The following WEE1 variants were observed in gnomAD, a reference collection of about 807,000 sequenced individuals.
WEE1 encodes wee1-like protein kinase.
In WEE1, 16 loss-of-function variants were observed where a neutral mutation model predicts 68.8. That is an observed-to-expected ratio of 0.23 (90% CI 0.16 to 0.35). WEE1 has a LOEUF of 0.35. Ranked by LOEUF, WEE1 falls within the 10% of genes least tolerant of loss-of-function variation. The probability of loss-of-function intolerance (pLI) is 1.00; values close to 1 mark genes in which losing one functional copy is unlikely to be tolerated. For missense variants in WEE1, 651 were observed against 824.1 expected, an observed-to-expected ratio of 0.79 and a Z score of 2.57; for synonymous variants, 349 against 318.7, an observed-to-expected ratio of 1.09 and a Z score of -1.01.
rs771907182 is a variant in WEE1 at position 9,576,136 on chromosome 11, G to T, written c.782+43G>T. On this transcript the variant is annotated intron_variant, in intron 2 of 10. Coordinates refer to ENST00000450114, the MANE Select transcript of WEE1 (RefSeq NM_003390.4). This position sits in a 1 kb window ranked among gnomAD's most constrained non-coding sequence, Gnocchi z 4.3. Reference sequence around the variant, plus strand: ...CAGTTTGGTTCTCCAAATAACCTAAGATTGGTTTGGTATACTTATCAAAAT... The same window carrying T: ...CAGTTTGGTTCTCCAAATAACCTAATATTGGTTTGGTATACTTATCAAAAT... The T allele has an allele frequency of 6.2e-6, 10 of 1,611,604 alleles. No individual in the cohort carries two copies. Among genetic ancestry groups the T allele is most frequent in the Non-Finnish European group, 8.5e-6 (10 of 1,178,144 alleles).
rs554310779 is a variant in WEE1, at chr11:9,577,345, A to G, written c.1141+82A>G. 12 of 1,497,252 alleles carry G rather than the reference A, an allele frequency of 8.0e-6. No homozygotes were observed. In the Admixed American group the frequency reaches 2.3e-4, roughly 28 times the overall value. The allele number at this position is 1,497,252 out of a possible 1,614,324, so 92.7% of individuals were successfully genotyped here. A position where few individuals can be genotyped will look rare whatever the true frequency, so the allele number is the denominator to read the frequency against. On this transcript the variant is annotated intron_variant, in intron 5 of 10. Coordinates refer to ENST00000450114, the MANE Select transcript of WEE1 (RefSeq NM_003390.4). ...TTATGGTTATCTAAAATCTTGCTCT[A>G]TTTCTGTCACTTTTATCTTTTATAA...
intron 5 of WEE1, chr11:9,579,460 T>C (rs1408612902): frequency 6.6e-6 from 1 of 152,232 alleles, no homozygotes. Context: ...TCTTATTCAT[T>C]TGCATTATAA....
Position 9,589,822 on chromosome 11 carries a change from A to T in WEE1, c.*1220A>T, listed in dbSNP as rs1479685613. On this transcript the variant is annotated 3_prime_UTR_variant, in exon 11 of 11. Transcript: ENST00000450114. ...ATCTCTATTATTGCTATACTATAAA[A>T]TGTATAGTGTGTATAATGTACTATT... 8 of 605,532 alleles carry T rather than the reference A, an allele frequency of 1.3e-5. No homozygotes were observed. The highest frequency in any genetic ancestry group is 6.3e-5 in the Admixed American group (1 of 15,810). 37.5% of individuals were successfully genotyped at this position (605,532 alleles called of 1,614,324 possible).
Position 9,576,684 on chromosome 11 carries a change from T to G in WEE1, c.1019+25T>G. 1 of 1,599,090 alleles carries G rather than the reference T, an allele frequency of 6.3e-7. No homozygotes were observed. Among genetic ancestry groups the G allele is most frequent in the Non-Finnish European group, 8.5e-7 (1 of 1,174,744 alleles). On this transcript the variant is annotated intron_variant, in intron 4 of 10. Transcript: ENST00000450114. The surrounding 1 kb of genome is among the most constrained non-coding windows in gnomAD (Gnocchi z 4.3). ...AGTATGTATTAAACATTTTGTCTTT[T>G]GCTCTTTTGTCCCCTATGGTGTTAC... is the stretch of plus-strand genomic sequence containing the variant.
chr11:9,574,400 C>A lies in WEE1; in HGVS notation c.467C>A (p.Ala156Glu). ...GATGCGTCGCCGCGGGGTTGCGGGG[C>A]GCGCCGGGCGGGCGAAGGCCGCCGC... ...PGDASPRGCG[A>E]RRAGEGRRSP... The change falls in exon 1 of 11, where the codon GCG becomes GAG. Residue 156 changes from alanine (A) to glutamate (E), a missense_variant. This residue lies in a region of WEE1 where 395 missense variants were observed against 378.4 expected (regional missense o/e 1.04). Transcript: ENST00000450114. This position sits in a 1 kb window ranked among gnomAD's most constrained non-coding sequence, Gnocchi z 4.9. 8.3e-7 allele frequency: 1 copy of A among 1,212,092 alleles called. No individual in the cohort carries two copies. Among genetic ancestry groups the A allele is most frequent in the Non-Finnish European group, 1.0e-6 (1 of 979,668 alleles). 75.1% of individuals were successfully genotyped at this position (1,212,092 alleles called of 1,614,324 possible). A position where few individuals can be genotyped will look rare whatever the true frequency, so the allele number is the denominator to read the frequency against.
chr11:9,583,761 GCACACACACACACACACACACACA>G (rs1157681380), intron 6 of WEE1, among the ~76,000 whole-genome samples: 2 of 48,960 alleles, frequency 4.1e-5, no homozygotes, highest in South Asian at 9.0e-4. Context: ...GCACGCGCGC[GCACACACACACACACACACACACA>G]CACACACACA....
Position 9,574,425 on chromosome 11 carries a change from C to T in WEE1, c.492C>T (p.Arg164=), listed in dbSNP as rs1849540820. The T allele has an allele frequency of 8.2e-7, 1 of 1,218,932 alleles. No individual in the cohort carries two copies. Among genetic ancestry groups the T allele is most frequent in the African/African-American group, 1.6e-5 (1 of 62,776 alleles). 75.5% of individuals were successfully genotyped at this position (1,218,932 alleles called of 1,614,324 possible). ...CGARRAGEGR[R]SPRPDHPGTP... ...CGCGCCGGGCGGGCGAAGGCCGCCGCTCGCCGCGGCCGGACCACCCGGGCA... is the reference window on the plus strand; with the variant it reads ...CGCGCCGGGCGGGCGAAGGCCGCCGTTCGCCGCGGCCGGACCACCCGGGCA... The change falls in exon 1 of 11, where the codon CGC becomes CGT. Residue 164 remains arginine, a synonymous_variant. Transcript: ENST00000450114. The surrounding 1 kb of genome is among the most constrained non-coding windows in gnomAD (Gnocchi z 4.9).
chr11:9,584,754 GT>G, intron 6 of WEE1, among the ~76,000 whole-genome samples: 1 of 152,152 alleles, frequency 6.6e-6, no homozygotes, highest in Non-Finnish European at 1.5e-5. Flanking sequence ...CCAGTTTAAA[GT>G]GTTTAGGATC....
At position 9,588,609 on chromosome 11, in the gene WEE1, C is replaced by G; in HGVS notation, c.*7C>G. ...CAGCCTTACTATATACTGAGCTACTCCTTTCCCACCTCCCCCTGAACACTG... is the reference window on the plus strand; with the variant it reads ...CAGCCTTACTATATACTGAGCTACTGCTTTCCCACCTCCCCCTGAACACTG... On this transcript the variant is annotated 3_prime_UTR_variant, in exon 11 of 11. Coordinates refer to ENST00000450114, the MANE Select transcript of WEE1 (RefSeq NM_003390.4). The G allele has an allele frequency of 6.4e-7, 1 of 1,553,190 alleles. No individual in the cohort carries two copies. The highest frequency in any genetic ancestry group is 8.7e-7 in the Non-Finnish European group (1 of 1,155,920).
At chr11:9,581,442 A>G in intron 5 of WEE1, 90 bp from the exon 6 acceptor site, 11 of 1,235,936 alleles carry the variant, frequency 8.9e-6, no homozygotes, top group Non-Finnish European at 1.2e-5. Context: ...TTCTTGGTTG[A>G]GATTGGTTGG....
intron 1 of WEE1, chr11:9,575,052 G>A: frequency 2.0e-6 from 2 of 985,720 alleles, no homozygotes; most frequent in Non-Finnish European, 2.4e-6. Flanking sequence ...GTAAAGGCTG[G>A]CCTTCCAAGC....
At chr11:9,577,650 T>C in intron 5 of WEE1, 1 of 331,250 alleles carries the variant, frequency 3.0e-6, no homozygotes, top group Non-Finnish European at 5.9e-6. Context: ...GAGGTGCTGC[T>C]AAAACTGATG....
In WEE1 at chr11:9,589,648, G is replaced by T. The variant is rs1168681881; in HGVS notation, c.*1046G>T. 1 of 973,672 alleles carries T rather than the reference G, an allele frequency of 1.0e-6. No individual in the cohort carries two copies. The highest frequency in any genetic ancestry group is 1.2e-6 in the Non-Finnish European group (1 of 824,878). 60.3% of individuals were successfully genotyped at this position (973,672 alleles called of 1,614,324 possible). On this transcript the variant is annotated 3_prime_UTR_variant, in exon 11 of 11. Transcript: ENST00000450114. Reference sequence around the variant, plus strand: ...TGGCTAACAGATGTTGAAAAAAATTGTCTGTTTGTTTTCTCATTAATTTTG... The same window carrying T: ...TGGCTAACAGATGTTGAAAAAAATTTTCTGTTTGTTTTCTCATTAATTTTG...
chr11:9,583,802 C>CATATATATAT (rs371859938), intron 6 of WEE1, among the ~76,000 whole-genome samples: 8 of 17,846 alleles, frequency 4.5e-4, no homozygotes, highest in Admixed American at 7.2e-4. Flanking sequence ...CACACACACA[C>CATATATATAT]ATATATATAT....
rs2134337968 is a variant in WEE1, at chr11:9,574,591, G to T, written c.576+82G>T. 2 of 1,125,228 alleles carry T rather than the reference G, an allele frequency of 1.8e-6. No individual in the cohort carries two copies. The highest frequency in any genetic ancestry group is 2.2e-6 in the Non-Finnish European group (2 of 921,348). 69.7% of individuals were successfully genotyped at this position (1,125,228 alleles called of 1,614,324 possible). On this transcript the variant is annotated intron_variant, in intron 1 of 10. Transcript: ENST00000450114. This position sits in a 1 kb window ranked among gnomAD's most constrained non-coding sequence, Gnocchi z 4.9. ...GCGCCGCTGCCTGGGTTCGGTTACA[G>T]AAGCGGCCGGCCGCTCCCCCCTCGC...
chr11:9,585,573 G>A (rs752766522), intron 8 of WEE1, 46 bp downstream of exon 8: 10 of 1,389,774 alleles, frequency 7.2e-6, no homozygotes, highest in Admixed American at 4.9e-5. Context: ...GTAACACTTA[G>A]CAGTTGATAG....
chr11:9,588,584 C>T lies in WEE1; in HGVS notation c.1923C>T (p.Val641=), dbSNP rs1236204626. The T allele has an allele frequency of 1.2e-6, 2 of 1,603,750 alleles. No individual in the cohort carries two copies. Among genetic ancestry groups the T allele is most frequent in the Non-Finnish European group, 8.5e-7 (1 of 1,176,862 alleles). Reference sequence around the variant, plus strand: ...TTGGAAAGAAAATGAACCGCTCTGTCAGCCTTACTATATACTGAGCTACTC... The same window carrying T: ...TTGGAAAGAAAATGAACCGCTCTGTTAGCCTTACTATATACTGAGCTACTC... ...RLIGKKMNRS[V]SLTIY The change falls in exon 11 of 11, where the codon GTC becomes GTT. Residue 641 remains valine (V), a synonymous_variant. Coordinates refer to ENST00000450114, the MANE Select transcript of WEE1 (RefSeq NM_003390.4).
intron 6 of WEE1, among the ~76,000 whole-genome samples, chr11:9,582,009 A>G (rs1329691498): frequency 6.6e-6 from 1 of 152,222 alleles, no homozygotes; most frequent in East Asian, 1.9e-4. Context: ...GACTATAGGC[A>G]TGTGCCACCA....
rs765183972 is a variant in WEE1, at chr11:9,573,918, C to G, written c.-16C>G. 6.8e-5 allele frequency: 85 copies of G among 1,256,602 alleles called. 1 individual carries two copies. Among genetic ancestry groups the G allele is most frequent in the Non-Finnish European group, 8.1e-5 (81 of 1,002,152 alleles). 77.8% of individuals were successfully genotyped at this position (1,256,602 alleles called of 1,614,324 possible). A position where few individuals can be genotyped will look rare whatever the true frequency, so the allele number is the denominator to read the frequency against. ...GCCTCCGCTCTCCTGTCCTCGGCCC[C>G]GTCCCCAGGGCCGCGATGAGCTTCC... On this transcript the variant is annotated 5_prime_UTR_variant, in exon 1 of 11. Transcript: ENST00000450114.
Sources: gnomAD v4.1 joint callset for allele counts (sites outside exome capture counted in the v4.1 genomes callset) on GRCh38, gnomAD v4.1.1 for gene constraint, gnomAD v4.1.1 regional missense constraint, Gnocchi (gnomAD v3.1) non-coding constraint, MANE v1.5 for transcripts, NCBI Gene and HGNC (gene_info 2026-07-23, HGNC 2026-07-21) for gene names.